Variants in PRDM16 observed in about 807,000 individuals in gnomAD.
The protein encoded by PRDM16 is histone-lysine N-methyltransferase PRDM16.
PRDM16 carries 23 observed loss-of-function variants against 110.6 expected under a neutral mutation model. That is an observed-to-expected ratio of 0.21 (90% CI 0.15 to 0.29). The LOEUF (loss-of-function observed/expected upper bound fraction) is 0.29. PRDM16 is among the 10% of genes least tolerant of loss of function. The pLI is 1.00. For synonymous variants in PRDM16, 799 were observed against 781.8 expected (o/e 1.02, Z -0.37); for missense variants, 1,615 against 1,794.3 (o/e 0.90, Z 1.81).
intron 3 of PRDM16, among the ~76,000 whole-genome samples, chr1:3,274,786 C>T (rs903305198): frequency 1.3e-5 from 2 of 152,198 alleles, no homozygotes; most frequent in African/African-American, 4.8e-5. Flanking sequence ...GCTGGCTTTT[C>T]CATTACCTTC....
intron 3 of PRDM16, among the ~76,000 whole-genome samples, chr1:3,282,094 T>C (rs1640721709): frequency 6.6e-6 from 1 of 152,212 alleles, no homozygotes; most frequent in South Asian, 2.1e-4. Flanking sequence ...ACGCCAGCTC[T>C]CTCCTTACCA....
Position 3,081,263 on chromosome 1 carries a change from C to T in PRDM16, c.37+11967C>T, listed in dbSNP as rs186272745. On this transcript the variant is annotated intron_variant, in intron 1 of 16. Coordinates refer to ENST00000270722, the MANE Select transcript of PRDM16 (RefSeq NM_022114.4). The surrounding 1 kb of genome is among the most constrained non-coding windows in gnomAD (Gnocchi z 4.6). ...TTCGAGGCCCCTCGCGGCTGTACCC[C>T]GAGTCCCCCGTGCTGGCACCTGATA... 1.3e-5 allele frequency among the ~76,000 whole-genome samples: 2 copies of T among 152,332 alleles called. No individual in the cohort carries two copies. The highest frequency in any genetic ancestry group is 6.5e-5 in the Admixed American group (1 of 15,306).
At chr1:3,203,102 G>A (rs1638671718) in intron 2 of PRDM16, among the ~76,000 whole-genome samples, 1 of 152,204 alleles carries the variant, frequency 6.6e-6, no homozygotes, top group South Asian at 2.1e-4. Flanking sequence ...ATAAAGCAGG[G>A]CAATTGCACA....
rs1244682412 is a variant in PRDM16, at chr1:3,256,211, G to C, written c.438+12074G>C. ...CATGCTCCATGCCTCCAACTCCATG[G>C]CACTCCAGACAAAGCAACACTGTAG... On this transcript the variant is annotated intron_variant, in intron 3 of 16. Coordinates refer to ENST00000270722, the MANE Select transcript of PRDM16 (RefSeq NM_022114.4). Among the ~76,000 whole-genome samples, 5 of 152,180 alleles carry C rather than the reference G, an allele frequency of 3.3e-5. No homozygotes were observed. In the East Asian group the frequency reaches 7.7e-4, roughly 23 times the overall value.
At chr1:3,410,412 G>A (rs569678935) in intron 8 of PRDM16, among the ~76,000 whole-genome samples, 2 of 152,288 alleles carry the variant, frequency 1.3e-5, no homozygotes, top group South Asian at 4.1e-4. Flanking sequence ...GTTCCCAGTA[G>A]TAGGATTTTC....
intron 8 of PRDM16, among the ~76,000 whole-genome samples, chr1:3,411,082 G>A (rs796818337): frequency 1.2e-4 from 18 of 152,242 alleles, no homozygotes; most frequent in African/African-American, 4.3e-4. Flanking sequence ...GCTCATGTGT[G>A]CACACGTGTG....
chr1:3,097,479 T>C (rs909803947), intron 1 of PRDM16, among the ~76,000 whole-genome samples: 2 of 152,196 alleles, frequency 1.3e-5, no homozygotes, highest in Non-Finnish European at 2.9e-5. Flanking sequence ...TGGTAGGTGC[T>C]GGTCAGGGTC....
At chr1:3,075,556 C>A (rs1217766540) in intron 1 of PRDM16, among the ~76,000 whole-genome samples, 3 of 152,220 alleles carry the variant, frequency 2.0e-5, no homozygotes, top group Non-Finnish European at 4.4e-5. Flanking sequence ...ATTCTAGAAT[C>A]TAAGGAAAAA....
At chr1:3,349,906 C>G (rs142064245) in intron 3 of PRDM16, among the ~76,000 whole-genome samples, 1 of 152,200 alleles carries the variant, frequency 6.6e-6, no homozygotes, top group Non-Finnish European at 1.5e-5. Flanking sequence ...CGCCCTCTGC[C>G]GTGAATGTTT....
chr1:3,377,426 G>A (rs1487092228), intron 3 of PRDM16, among the ~76,000 whole-genome samples: 2 of 152,250 alleles, frequency 1.3e-5, no homozygotes, highest in African/African-American at 4.8e-5. Context: ...CAGCCCAGAA[G>A]AGAGCCCACA....
intron 3 of PRDM16, among the ~76,000 whole-genome samples, chr1:3,341,065 C>CT (rs35146930): frequency 0.36 from 52,711 of 146,768 alleles, 9,723 homozygotes; most frequent in South Asian, 0.54. Context: ...GTTGCTGCCC[C>CT]CTGAGCCCTC....
intron 3 of PRDM16, among the ~76,000 whole-genome samples, chr1:3,329,269 A>T (rs1256487981): frequency 6.6e-6 from 1 of 152,220 alleles, no homozygotes; most frequent in African/African-American, 2.4e-5. Flanking sequence ...CTAGGGCAGG[A>T]GGCAGAAATG....
At chr1:3,140,234 T>C (rs148866865) in intron 1 of PRDM16, among the ~76,000 whole-genome samples, 5 of 152,366 alleles carry the variant, frequency 3.3e-5, no homozygotes, top group Admixed American at 6.5e-5. Context: ...ACCTGGTTTT[T>C]ATTAAATGTA....
At chr1:3,136,971 G>A (rs1259991556) in intron 1 of PRDM16, among the ~76,000 whole-genome samples, 2 of 152,236 alleles carry the variant, frequency 1.3e-5, no homozygotes, top group East Asian at 3.9e-4. Flanking sequence ...AGAGGCTGGT[G>A]CAGGGAGAGG....
Position 3,411,870 on chromosome 1 carries a change from T to C in PRDM16, c.1673T>C (p.Leu558Pro), listed in dbSNP as rs1261779350. The C allele has an allele frequency of 6.2e-7, 1 of 1,612,434 alleles. No individual in the cohort carries two copies. The highest frequency in any genetic ancestry group is 8.5e-7 in the Non-Finnish European group (1 of 1,179,096). The change falls in exon 9 of 17, where the codon CTG becomes CCG. Residue 558 changes from leucine to proline, a missense_variant. Leu to Pro is a moderately conservative substitution (Grantham distance 98, BLOSUM62 -3). Coordinates refer to ENST00000270722, the MANE Select transcript of PRDM16 (RefSeq NM_022114.4). ...PSPLGNPALP[L>P]VSAVSNSSQG... ...CCCCTGGGGAACCCAGCCCTGCCCCTGGTCTCCGCCGTCAGCAACAGCAGC... is the reference window on the plus strand; with the variant it reads ...CCCCTGGGGAACCCAGCCCTGCCCCCGGTCTCCGCCGTCAGCAACAGCAGC...
At chr1:3,280,088 T>C (rs1477771120) in intron 3 of PRDM16, among the ~76,000 whole-genome samples, 6 of 151,974 alleles carry the variant, frequency 3.9e-5, no homozygotes, top group Non-Finnish European at 7.4e-5. Flanking sequence ...GTCAGAATTA[T>C]CCATGAGTCC....
At chr1:3,228,773 G>A (rs902455177) in intron 2 of PRDM16, among the ~76,000 whole-genome samples, 1 of 152,118 alleles carries the variant, frequency 6.6e-6, no homozygotes, top group African/African-American at 2.4e-5. Context: ...CACCTGCACT[G>A]TCCACCCAGC....
At chr1:3,112,231 G>A (rs1333506531) in intron 1 of PRDM16, among the ~76,000 whole-genome samples, 1 of 152,196 alleles carries the variant, frequency 6.6e-6, no homozygotes, top group Non-Finnish European at 1.5e-5. Context: ...GACCTCGGAG[G>A]AGCCTCGGCG....
chr1:3,248,242 G>C (rs1234102198), intron 3 of PRDM16, among the ~76,000 whole-genome samples: 3 of 152,184 alleles, frequency 2.0e-5, no homozygotes, highest in Non-Finnish European at 4.4e-5. Context: ...GCTATCAGCT[G>C]AAAGAATTTT....
Sources: gnomAD v4.1 joint callset for allele counts (sites outside exome capture counted in the v4.1 genomes callset) on GRCh38, gnomAD v4.1.1 for gene constraint, Gnocchi (gnomAD v3.1) non-coding constraint, MANE v1.5 for transcripts, NCBI Gene and HGNC (gene_info 2026-07-23, HGNC 2026-07-21) for gene names.